Variants in NRG1 observed in about 807,000 individuals in gnomAD.
NRG1 encodes neuregulin 1, also known as pro-neuregulin-1, membrane-bound isoform.
In NRG1, 18 loss-of-function variants were observed where a neutral mutation model predicts 63.8. The ratio of observed to expected loss-of-function variants is 0.28; its 90% CI spans 0.19 to 0.42. NRG1 has a LOEUF of 0.42. Among genes scored for constraint, NRG1 ranks in the 10% least tolerant of loss-of-function variants. The pLI, the probability that NRG1 is intolerant of heterozygous loss-of-function variation, is 1.00. For synonymous variants in NRG1, 302 were observed against 301.3 expected, an observed-to-expected ratio of 1.00 and a Z score of -0.02; for missense variants, 762 against 814.7, an observed-to-expected ratio of 0.94 and a Z score of 0.79.
At chr8:31,902,147 T>C (rs1832138414) in intron 1 of NRG1, among the ~76,000 whole-genome samples, 1 of 152,136 alleles carries the variant, frequency 6.6e-6, no homozygotes, top group Non-Finnish European at 1.5e-5. Flanking sequence ...ATGGTAAGAA[T>C]TTAGTAAGTA....
At chr8:32,106,043 C>T (rs535613583) in intron 1 of NRG1, among the ~76,000 whole-genome samples, 5 of 152,212 alleles carry the variant, frequency 3.3e-5, no homozygotes, top group Non-Finnish European at 7.4e-5. Context: ...TCTTAGGATA[C>T]AGAATTATAT....
intron 1 of NRG1, among the ~76,000 whole-genome samples, chr8:31,803,790 G>T (rs779217916): frequency 2.6e-5 from 4 of 151,988 alleles, no homozygotes; most frequent in Non-Finnish European, 5.9e-5. Flanking sequence ...TCAGTGTATC[G>T]CCTTTCTCTA....
chr8:32,162,415 T>C (rs1838933668), intron 1 of NRG1, among the ~76,000 whole-genome samples: 1 of 152,170 alleles, frequency 6.6e-6, no homozygotes, highest in Non-Finnish European at 1.5e-5. Flanking sequence ...CAGTTATAAA[T>C]TTGCCTAAAA....
intron 1 of NRG1, among the ~76,000 whole-genome samples, chr8:31,789,929 T>C (rs1050973361): frequency 6.6e-6 from 1 of 152,182 alleles, no homozygotes; most frequent in East Asian, 1.9e-4. Context: ...TTAATATCAT[T>C]TTATGGCATA....
At chr8:32,514,757 G>A (rs955636188) in intron 1 of NRG1, among the ~76,000 whole-genome samples, 1 of 152,036 alleles carries the variant, frequency 6.6e-6, no homozygotes, top group African/African-American at 2.4e-5. Flanking sequence ...AAAGCTAACT[G>A]TTACCCTATA....
At chr8:32,105,156 G>T (rs897135629) in intron 1 of NRG1, among the ~76,000 whole-genome samples, 3 of 152,124 alleles carry the variant, frequency 2.0e-5, no homozygotes, top group African/African-American at 4.8e-5. Flanking sequence ...CTAAGTGATA[G>T]AAATTTTTTA....
At chr8:32,694,204 A>G (rs1563963400) in intron 5 of NRG1, among the ~76,000 whole-genome samples, 1 of 152,216 alleles carries the variant, frequency 6.6e-6, no homozygotes, top group Non-Finnish European at 1.5e-5. Flanking sequence ...CGTTTTAAAA[A>G]TGCATGTCCT....
chr8:32,366,675 GTGTATATATATATATATA>G (rs1448780672), intron 1 of NRG1, among the ~76,000 whole-genome samples: 1 of 54,546 alleles, frequency 1.8e-5, no homozygotes, highest in South Asian at 5.6e-4. Context: ...GTGTGTGTGT[GTGTATATATATATATATA>G]TATATATATA....
chr8:32,525,211 G>A (rs1321560241), intron 1 of NRG1, among the ~76,000 whole-genome samples: 4 of 152,140 alleles, frequency 2.6e-5, no homozygotes, highest in Non-Finnish European at 5.9e-5. Flanking sequence ...AAGGAGTCCG[G>A]TGCCCATGAA....
Position 32,742,274 on chromosome 8 carries a change from T to C in NRG1, c.633-401T>C, listed in dbSNP as rs1253929893. On this transcript the variant is annotated intron_variant, in intron 6 of 11. Transcript: ENST00000356819. The surrounding 1 kb of genome is among the most constrained non-coding windows in gnomAD (Gnocchi z 4.2). ...TCCCTAAGTCATCAATTTACAAGAA[T>C]GGCCAGTCACGATGGCCCGTGATGC... Among the ~76,000 whole-genome samples, 1 of 152,158 alleles carries C rather than the reference T, an allele frequency of 6.6e-6. No homozygotes were observed. The highest frequency in any genetic ancestry group is 1.5e-5 in the Non-Finnish European group (1 of 68,020).
At chr8:32,142,770 CAAAG>C (rs1277905989) in intron 1 of NRG1, among the ~76,000 whole-genome samples, 3 of 152,022 alleles carry the variant, frequency 2.0e-5, no homozygotes, top group African/African-American at 7.2e-5. Context: ...TGGTCTCTGA[CAAAG>C]AAATAAATGT....
At chr8:32,703,712 G>A (rs1815588405) in intron 5 of NRG1, among the ~76,000 whole-genome samples, 2 of 152,094 alleles carry the variant, frequency 1.3e-5, no homozygotes, top group African/African-American at 4.8e-5. Context: ...ATTTAACAAA[G>A]CATTAGATAT....
chr8:31,727,514 A>AT (rs1453277098), intron 1 of NRG1, among the ~76,000 whole-genome samples: 1 of 152,222 alleles, frequency 6.6e-6, no homozygotes, highest in African/African-American at 2.4e-5. Context: ...GCTAAATAGA[A>AT]TAAACCCCTG....
At chr8:32,719,988 G>T (rs1322976840) in intron 5 of NRG1, among the ~76,000 whole-genome samples, 1 of 151,946 alleles carries the variant, frequency 6.6e-6, no homozygotes, top group Admixed American at 6.6e-5. Flanking sequence ...ATGACCATAT[G>T]ACTTTTATTT....
intron 1 of NRG1, among the ~76,000 whole-genome samples, chr8:32,144,981 C>T (rs1329144372): frequency 6.6e-6 from 1 of 151,954 alleles, no homozygotes; most frequent in African/African-American, 2.4e-5. Flanking sequence ...TTTTCTTTTC[C>T]TCTTTGTTGG....
At chr8:32,485,369 G>A (rs559663007) in intron 1 of NRG1, among the ~76,000 whole-genome samples, 5 of 150,694 alleles carry the variant, frequency 3.3e-5, no homozygotes, top group African/African-American at 1.2e-4. Flanking sequence ...GCCTCCCAAA[G>A]TGCTGGGATT....
intron 1 of NRG1, among the ~76,000 whole-genome samples, chr8:32,334,209 G>T (rs1445580154): frequency 6.6e-6 from 1 of 152,078 alleles, no homozygotes; most frequent in Non-Finnish European, 1.5e-5. Context: ...TTAGTGTCCA[G>T]CATGGAGAAA....
chr8:32,634,561 T>C (rs1055942470), intron 5 of NRG1, among the ~76,000 whole-genome samples: 2 of 152,234 alleles, frequency 1.3e-5, no homozygotes, highest in Admixed American at 6.5e-5. Context: ...CATTAAATCC[T>C]GGTGTTGGAA....
intron 5 of NRG1, among the ~76,000 whole-genome samples, chr8:32,622,176 G>A (rs1288147165): frequency 2.6e-5 from 4 of 152,110 alleles, no homozygotes; most frequent in African/African-American, 9.7e-5. Context: ...GGCCATAGTG[G>A]GAGGATTGCT....
Sources: gnomAD v4.1 joint callset for allele counts (sites outside exome capture counted in the v4.1 genomes callset) on GRCh38, gnomAD v4.1.1 for gene constraint, Gnocchi (gnomAD v3.1) non-coding constraint, MANE v1.5 for transcripts, NCBI Gene and HGNC (gene_info 2026-07-23, HGNC 2026-07-21) for gene names.